Variants in TNFRSF13B observed in about 807,000 individuals in gnomAD.
TNFRSF13B encodes TNF receptor superfamily member 13B, also known as tumor necrosis factor receptor superfamily member 13B.
A neutral mutation model predicts 24.0 loss-of-function variants in TNFRSF13B; 34 were observed. The observed-to-expected ratio is 1.41, with a 90% CI of 1.08 to 1.88. TNFRSF13B has a LOEUF of 1.88. TNFRSF13B is among the 40% of genes most tolerant of loss of function. The pLI is 0.00. For synonymous variants in TNFRSF13B, 173 were observed against 150.3 expected (o/e 1.15, Z -1.10); for missense variants, 415 against 380.8 (o/e 1.09, Z -0.75).
chr17:16,968,866 C>T (rs550832583), intron 1 of TNFRSF13B, among the ~76,000 whole-genome samples: 2 of 152,080 alleles, frequency 1.3e-5, no homozygotes, highest in African/African-American at 4.8e-5. Flanking sequence ...AAAGGCAACC[C>T]AATTTTTATA....
At chr17:16,970,346 G>T (rs2087735067) in intron 1 of TNFRSF13B, among the ~76,000 whole-genome samples, 1 of 152,080 alleles carries the variant, frequency 6.6e-6, no homozygotes, top group African/African-American at 2.4e-5. Context: ...ACTCTCTCCT[G>T]CACCCCGAGA....
At chr17:16,957,058 A>G (rs1421196136) in intron 1 of TNFRSF13B, among the ~76,000 whole-genome samples, 1 of 151,878 alleles carries the variant, frequency 6.6e-6, no homozygotes, top group Non-Finnish European at 1.5e-5. Flanking sequence ...CAAATGCACC[A>G]TCTGGTTTAG....
rs1347062657 is a variant in TNFRSF13B at position 16,952,465 on chromosome 17, G to A, written c.180C>T (p.Arg60=). ...CKTICNHQSQ[R]TCAAFCRSLS... ...ACTCACTGCAGAAGGCTGCACAGGT[G>A]CGCTGGCTCTGATGGTTGCAAATGG... The change falls in exon 2 of 5, where the codon CGC becomes CGT. Residue 60 remains arginine, a synonymous_variant. Transcript: ENST00000261652. 3 of 1,614,036 alleles carry A rather than the reference G, an allele frequency of 1.9e-6. No individual in the cohort carries two copies. The highest frequency in any genetic ancestry group is 1.1e-5 in the South Asian group (1 of 91,082).
chr17:16,971,964 C>T, intron 1 of TNFRSF13B, 51 bp downstream of exon 1: 1 of 1,602,986 alleles, frequency 6.2e-7, no homozygotes, highest in Non-Finnish European at 8.5e-7. Context: ...TCAGGCCCAA[C>T]CCTCCTCACA....
At chr17:16,946,600 T>TTTA (rs1567651595) in intron 3 of TNFRSF13B, among the ~76,000 whole-genome samples, 73 of 150,504 alleles carry the variant, frequency 4.9e-4, no homozygotes, top group African/African-American at 1.8e-3. Flanking sequence ...TTATTTATTT[T>TTTA]TTTTTGAGAC....
At chr17:16,966,188 A>G (rs1446688283) in intron 1 of TNFRSF13B, among the ~76,000 whole-genome samples, 1 of 151,710 alleles carries the variant, frequency 6.6e-6, no homozygotes, top group Non-Finnish European at 1.5e-5. Flanking sequence ...CAGTTGGGGG[A>G]AGTTGCAGTG....
At chr17:16,943,673 C>G (rs1372723879) in intron 3 of TNFRSF13B, among the ~76,000 whole-genome samples, 2 of 152,212 alleles carry the variant, frequency 1.3e-5, no homozygotes, top group African/African-American at 4.8e-5. Flanking sequence ...ATAGGGCCCT[C>G]TGTCATCTGG....
At chr17:16,960,124 G>T (rs2087651966) in intron 1 of TNFRSF13B, among the ~76,000 whole-genome samples, 1 of 151,928 alleles carries the variant, frequency 6.6e-6, no homozygotes, top group Non-Finnish European at 1.5e-5. Context: ...TGCAATGGTA[G>T]TTCCACACTA....
At position 16,939,523 on chromosome 17, in the gene TNFRSF13B, C is replaced by T. The variant is rs1353978312; in HGVS notation, c.*24G>A. On this transcript the variant is annotated 3_prime_UTR_variant, in exon 5 of 5. Coordinates refer to ENST00000261652, the MANE Select transcript of TNFRSF13B (RefSeq NM_012452.3). ...CCCCTCCTCTCCATCTCTCTCCCTC[C>T]TCCTTTCCCTCCCTGACCCCCATTT... The T allele has an allele frequency of 2.5e-6, 4 of 1,609,692 alleles. No homozygotes were observed. The highest frequency in any genetic ancestry group is 1.1e-5 in the South Asian group (1 of 90,230).
In TNFRSF13B at chr17:16,939,279, G is replaced by C. The variant is rs2087487277; in HGVS notation, c.*268C>G. 2.2e-6 allele frequency: 1 copy of C among 449,204 alleles called. No individual in the cohort carries two copies. Among genetic ancestry groups the C allele is most frequent in the Non-Finnish European group, 3.9e-6 (1 of 253,412 alleles). 27.8% of individuals were successfully genotyped at this position (449,204 alleles called of 1,614,324 possible). ...TCCCTCTCTCCCTCTCTGTCTCTCT[G>C]CCTCTCTCCCTCTCTGCCTCTCTCC... On this transcript the variant is annotated 3_prime_UTR_variant, in exon 5 of 5. Coordinates refer to ENST00000261652, the MANE Select transcript of TNFRSF13B (RefSeq NM_012452.3).
Position 16,957,863 on chromosome 17 carries a change from T to C in TNFRSF13B, c.62-5280A>G, listed in dbSNP as rs980076577. 3.3e-5 allele frequency among the ~76,000 whole-genome samples: 5 copies of C among 152,216 alleles called. No individual in the cohort carries two copies. The East Asian group carries it at 9.6e-4, about 29-fold the overall frequency. On this transcript the variant is annotated intron_variant, in intron 1 of 4. Coordinates refer to ENST00000261652, the MANE Select transcript of TNFRSF13B (RefSeq NM_012452.3). ...TACAAGAAATCCTAAAGTGAGTCTT[T>C]CATGCTGAAATAAAAGTACTCTAGA...
At chr17:16,946,428 G>A (rs1307661004) in intron 3 of TNFRSF13B, among the ~76,000 whole-genome samples, 1 of 152,138 alleles carries the variant, frequency 6.6e-6, no homozygotes, top group East Asian at 1.9e-4. Context: ...GGTGTTTGCT[G>A]GGATAGGGTT....
In TNFRSF13B at chr17:16,971,361, C is replaced by CAAAA. The variant is rs1555550671; in HGVS notation, c.61+650_61+653dup. On this transcript the variant is annotated intron_variant, in intron 1 of 4. Transcript: ENST00000261652. ...AAGACTCTGTCTCAAAAAACAAAAA[C>CAAAA]AAAAACAAAACAACAAAACAAAAAA... Among the ~76,000 whole-genome samples, 11 of 151,040 alleles carry CAAAA rather than the reference C, an allele frequency of 7.3e-5. No homozygotes were observed. The East Asian group carries it at 1.8e-3, about 24-fold the overall frequency.
chr17:16,954,413 C>A (rs1734021050), intron 1 of TNFRSF13B, among the ~76,000 whole-genome samples: 1 of 152,112 alleles, frequency 6.6e-6, no homozygotes, highest in Admixed American at 6.6e-5. Context: ...AGACCAGGGG[C>A]CTCTCATTTA....
At chr17:16,959,639 T>G (rs1385203122) in intron 1 of TNFRSF13B, among the ~76,000 whole-genome samples, 1 of 151,968 alleles carries the variant, frequency 6.6e-6, no homozygotes, top group Non-Finnish European at 1.5e-5. Flanking sequence ...AGAAATGACA[T>G]TAAGAACTTT....
rs900404158 is a variant in TNFRSF13B at position 16,941,121 on chromosome 17, T to C, written c.446-610A>G. On this transcript the variant is annotated intron_variant, in intron 3 of 4. Transcript: ENST00000261652. ...TAGAAGGGTGTTATACTGTATTGTT[T>C]AGGGATAACAATGAGAAAAAATGGC... is the stretch of plus-strand genomic sequence containing the variant. The C allele has an allele frequency of 1.0e-5, 7 of 688,334 alleles. No homozygotes were observed. The African/African-American group carries it at 1.2e-4, about 11-fold the overall frequency. 42.6% of individuals were successfully genotyped at this position (688,334 alleles called of 1,614,324 possible). A position where few individuals can be genotyped will look rare whatever the true frequency, so the allele number is the denominator to read the frequency against.
intron 1 of TNFRSF13B, among the ~76,000 whole-genome samples, chr17:16,970,521 C>T (rs1053065896): frequency 6.6e-6 from 1 of 152,252 alleles, no homozygotes; most frequent in Non-Finnish European, 1.5e-5. Flanking sequence ...CGCAGGGCTT[C>T]TCAGAGCCTT....
intron 1 of TNFRSF13B, among the ~76,000 whole-genome samples, chr17:16,953,441 A>T (rs1040248868): frequency 6.6e-6 from 1 of 152,242 alleles, no homozygotes; most frequent in East Asian, 1.9e-4. Context: ...TACAGCCCAC[A>T]TGGAGATGTA....
chr17:16,967,344 T>C (rs1056420941), intron 1 of TNFRSF13B, among the ~76,000 whole-genome samples: 3 of 152,068 alleles, frequency 2.0e-5, no homozygotes, highest in East Asian at 3.9e-4. Flanking sequence ...CAAAACAAGG[T>C]ATATAACGGC....
Sources: gnomAD v4.1 joint callset for allele counts (sites outside exome capture counted in the v4.1 genomes callset) on GRCh38, gnomAD v4.1.1 for gene constraint, MANE v1.5 for transcripts, NCBI Gene and HGNC (gene_info 2026-07-23, HGNC 2026-07-21) for gene names.